SLC14A2: variants seen among roughly 807,000 people sequenced by gnomAD.
SLC14A2 encodes the protein urea transporter 2.
SLC14A2 carries 91 observed loss-of-function variants against 104.6 expected under a neutral mutation model. The ratio of observed to expected loss-of-function variants is 0.87; its 90% CI spans 0.73 to 1.04. SLC14A2 has a LOEUF of 1.04. Ranked by LOEUF, SLC14A2 falls within the 50% of genes least tolerant of loss-of-function variation. The pLI is 0.00. For synonymous variants in SLC14A2, 476 were observed against 466.4 expected (o/e 1.02, Z -0.27); for missense variants, 1,189 against 1,156.0 (o/e 1.03, Z -0.41).
At chr18:45,566,409 A>G (rs914968144) in intron 2 of SLC14A2, among the ~76,000 whole-genome samples, 2 of 152,232 alleles carry the variant, frequency 1.3e-5, no homozygotes, top group Non-Finnish European at 2.9e-5. Flanking sequence ...AACTTTATTC[A>G]GATTTCCTAA....
intron 1 of SLC14A2, among the ~76,000 whole-genome samples, chr18:45,313,202 G>T (rs558273425): frequency 6.6e-6 from 1 of 152,294 alleles, no homozygotes; most frequent in East Asian, 1.9e-4. Context: ...TTTTCCTCTG[G>T]TGAGGGAAGA....
chr18:45,351,421 C>T (rs778018810), intron 1 of SLC14A2, among the ~76,000 whole-genome samples: 5 of 152,122 alleles, frequency 3.3e-5, no homozygotes, highest in Non-Finnish European at 7.3e-5. Context: ...GTGGTGTGAT[C>T]CTGGCTCACT....
intron 1 of SLC14A2, among the ~76,000 whole-genome samples, chr18:45,444,461 T>C (rs546298510): frequency 2.0e-5 from 3 of 152,300 alleles, no homozygotes; most frequent in South Asian, 2.1e-4. Flanking sequence ...ATCCCCAGCA[T>C]AGGTTTCTTC....
At chr18:45,344,870 C>T (rs985192502) in intron 1 of SLC14A2, among the ~76,000 whole-genome samples, 1 of 152,130 alleles carries the variant, frequency 6.6e-6, no homozygotes, top group Non-Finnish European at 1.5e-5. Flanking sequence ...TTGATTGTTG[C>T]CCAGATATTT....
intron 1 of SLC14A2, among the ~76,000 whole-genome samples, chr18:45,365,037 G>A (rs1374502422): frequency 6.6e-6 from 1 of 152,148 alleles, no homozygotes; most frequent in Non-Finnish European, 1.5e-5. Flanking sequence ...ATAAGTCGAG[G>A]AATCCTCTCT....
intron 1 of SLC14A2, among the ~76,000 whole-genome samples, chr18:45,407,491 G>A (rs8087558): frequency 0.2 from 30,640 of 151,998 alleles, 4,398 homozygotes; most frequent in African/African-American, 0.4. Context: ...CTTATCATTC[G>A]TGGGTTCACT....
At chr18:45,455,638 A>G (rs2144624416) in intron 1 of SLC14A2, among the ~76,000 whole-genome samples, 2 of 28,250 alleles carry the variant, frequency 7.1e-5, no homozygotes, top group Middle Eastern at 0.029. Context: ...AACTTAAAGC[A>G]TAATAATAAT....
intron 1 of SLC14A2, among the ~76,000 whole-genome samples, chr18:45,275,562 G>C (rs918607328): frequency 6.6e-6 from 1 of 152,132 alleles, no homozygotes; most frequent in Non-Finnish European, 1.5e-5. Context: ...TTTAAGTCGG[G>C]GATGAAGGTA....
intron 1 of SLC14A2, among the ~76,000 whole-genome samples, chr18:45,264,178 T>C (rs1290171984): frequency 6.6e-6 from 1 of 152,190 alleles, no homozygotes; most frequent in East Asian, 1.9e-4. Flanking sequence ...ACTCCTCTGA[T>C]TCTAACCCAA....
chr18:45,674,923 C>T (rs918466821), intron 18 of SLC14A2, among the ~76,000 whole-genome samples: 1 of 152,196 alleles, frequency 6.6e-6, no homozygotes, highest in Admixed American at 6.5e-5. Context: ...AGGTGCTTCA[C>T]TCACCTCCCC....
At chr18:45,343,576 G>T (rs896234636) in intron 1 of SLC14A2, among the ~76,000 whole-genome samples, 3 of 152,044 alleles carry the variant, frequency 2.0e-5, no homozygotes, top group African/African-American at 7.2e-5. Context: ...TCTCGCCTTT[G>T]TAATTGGATT....
At chr18:45,173,011 G>A in the SLC14A2 span, among the ~76,000 whole-genome samples, 3 of 152,176 alleles carry the variant, frequency 2.0e-5, no homozygotes, top group East Asian at 5.8e-4. Flanking sequence ...AAGGCATAAA[G>A]AACAATGGGT....
rs1412420378 is a variant in SLC14A2, at chr18:45,667,035, T to G, written c.1658T>G (p.Val553Gly). The change falls in exon 13 of 20, where the codon GTC becomes GGC. Residue 553 changes from valine to glycine, a missense_variant. By Grantham distance (109) the Val-to-Gly change is moderately radical. Transcript: ENST00000255226. ...TCCATGGCTGCCAGTGGGAAAAGGGTCAGCAAAGCCCTCAGCTACATCACA... is the reference window on the plus strand; with the variant it reads ...TCCATGGCTGCCAGTGGGAAAAGGGGCAGCAAAGCCCTCAGCTACATCACA... ...RSSMAASGKRVSKALSYITGE... is the reference protein window; with the variant it reads ...RSSMAASGKRGSKALSYITGE... 3.1e-6 allele frequency: 5 copies of G among 1,613,656 alleles called. No homozygotes were observed. The highest frequency in any genetic ancestry group is 4.2e-6 in the Non-Finnish European group (5 of 1,179,812).
chr18:45,302,087 T>A (rs2084973942), intron 1 of SLC14A2, among the ~76,000 whole-genome samples: 1 of 152,150 alleles, frequency 6.6e-6, no homozygotes, highest in Admixed American at 6.6e-5. Context: ...TCATCATCTG[T>A]GTTGAAGTCT....
intron 1 of SLC14A2, among the ~76,000 whole-genome samples, chr18:45,265,933 G>C (rs769748016): frequency 9.9e-5 from 15 of 152,170 alleles, no homozygotes; most frequent in Admixed American, 6.5e-5. Flanking sequence ...CCATCATGGA[G>C]TGTACCTTCC....
intron 1 of SLC14A2, among the ~76,000 whole-genome samples, chr18:45,312,838 C>T (rs1465739605): frequency 6.6e-6 from 1 of 152,226 alleles, no homozygotes; most frequent in African/African-American, 2.4e-5. Context: ...ACCCCACCCC[C>T]TCCCCAGCTT....
intron 2 of SLC14A2, among the ~76,000 whole-genome samples, chr18:45,607,075 CTGATT>C (rs1278588831): frequency 6.6e-6 from 1 of 152,016 alleles, no homozygotes; most frequent in Non-Finnish European, 1.5e-5. Flanking sequence ...ACTTTGCTTT[CTGATT>C]TTTTTTTTCA....
intron 1 of SLC14A2, among the ~76,000 whole-genome samples, chr18:45,280,088 G>T (rs1042358649): frequency 6.6e-6 from 1 of 152,158 alleles, no homozygotes; most frequent in Non-Finnish European, 1.5e-5. Context: ...TGCTATTTGT[G>T]CTGCGTACTG....
chr18:45,387,130 T>C (rs1370138104), intron 1 of SLC14A2, among the ~76,000 whole-genome samples: 1 of 152,210 alleles, frequency 6.6e-6, no homozygotes, highest in Admixed American at 6.5e-5. Flanking sequence ...TGGAAATCTC[T>C]CTCCATAAGA....
Sources: gnomAD v4.1 joint callset for allele counts (sites outside exome capture counted in the v4.1 genomes callset) on GRCh38, gnomAD v4.1.1 for gene constraint, MANE v1.5 for transcripts, NCBI Gene and HGNC (gene_info 2026-07-23, HGNC 2026-07-21) for gene names.